BANP: variants seen among roughly 807,000 people sequenced by gnomAD.
BANP encodes the protein protein BANP.
A neutral mutation model predicts 68.1 loss-of-function variants in BANP; 11 were observed. The ratio of observed to expected loss-of-function variants is 0.16; its 90% CI spans 0.10 to 0.27. The LOEUF is 0.27. Ranked by LOEUF, BANP falls within the 10% of genes least tolerant of loss-of-function variation. The probability of loss-of-function intolerance (pLI) is 1.00; values close to 1 mark genes in which losing one functional copy is unlikely to be tolerated. For synonymous variants in BANP, 329 were observed against 303.2 expected (o/e 1.09, Z -0.88); for missense variants, 504 against 722.7 (o/e 0.70, Z 3.47).
chr16:87,955,307 C>T lies in BANP; in HGVS notation c.-69+3792C>T, dbSNP rs567579168. 3.2e-3 allele frequency among the ~76,000 whole-genome samples: 487 copies of T among 152,304 alleles called. 2 individuals carry two copies. The highest frequency in any genetic ancestry group is 6.8e-3 in the Middle Eastern group (2 of 294). On this transcript the variant is annotated intron_variant, in intron 1 of 13. Coordinates refer to ENST00000682872, the MANE Select transcript of BANP (RefSeq NM_001386991.1). Reference sequence around the variant, plus strand: ...GCATCACTTGGGTATTTGTGAGAAACGCACACTTTCAGGCCCTACCCAGGT... The same window carrying T: ...GCATCACTTGGGTATTTGTGAGAAATGCACACTTTCAGGCCCTACCCAGGT...
intron 4 of BANP, among the ~76,000 whole-genome samples, chr16:87,987,296 C>A (rs1598138994): frequency 6.6e-6 from 1 of 152,188 alleles, no homozygotes; most frequent in African/African-American, 2.4e-5. Flanking sequence ...CCAGGCTGGT[C>A]TTGAACTCTT....
At chr16:87,962,853 T>G (rs2059429220) in intron 1 of BANP, among the ~76,000 whole-genome samples, 1 of 152,224 alleles carries the variant, frequency 6.6e-6, no homozygotes, top group African/African-American at 2.4e-5. Context: ...CACTTCAGAC[T>G]GATTTCGGGC....
chr16:87,965,969 G>A (rs550838971), intron 1 of BANP, among the ~76,000 whole-genome samples: 22 of 152,276 alleles, frequency 1.4e-4, no homozygotes, highest in African/African-American at 4.8e-4. Context: ...TTTGCTATTT[G>A]TCATCCCCAA....
intron 6 of BANP, among the ~76,000 whole-genome samples, chr16:88,015,297 C>T (rs960454411): frequency 6.7e-6 from 1 of 148,258 alleles, no homozygotes; most frequent in African/African-American, 2.5e-5. Flanking sequence ...CCTGCCTGTG[C>T]CCTCTGCCCG....
chr16:88,027,075 T>A (rs147417261), intron 7 of BANP, among the ~76,000 whole-genome samples: 66 of 152,336 alleles, frequency 4.3e-4, no homozygotes, highest in Non-Finnish European at 7.5e-4. Context: ...ATCCAATTGT[T>A]GAGGTCCCTG....
chr16:87,965,602 A>C (rs950134373), intron 1 of BANP, among the ~76,000 whole-genome samples: 25 of 87,372 alleles, frequency 2.9e-4, no homozygotes, highest in African/African-American at 1.2e-3. Flanking sequence ...GAGCGTTCGC[A>C]TGGCTGGGCG....
At chr16:88,075,871 C>T (rs929189032) in intron 13 of BANP, among the ~76,000 whole-genome samples, 1 of 151,736 alleles carries the variant, frequency 6.6e-6, no homozygotes, top group African/African-American at 2.4e-5. Flanking sequence ...CTCAGCTTCC[C>T]TAGCAGCTGG....
chr16:88,038,682 C>T (rs140456332), intron 11 of BANP, among the ~76,000 whole-genome samples: 1,935 of 152,232 alleles, frequency 0.013, 35 homozygotes, highest in African/African-American at 0.041. Flanking sequence ...TACAAAATGA[C>T]GTGCTCCGAC....
At position 88,003,956 on chromosome 16, in the gene BANP, T is replaced by G; in HGVS notation, c.363-339T>G. 3.1e-6 allele frequency: 1 copy of G among 322,810 alleles called. No homozygotes were observed. Among genetic ancestry groups the G allele is most frequent in the South Asian group, 2.7e-5 (1 of 36,420 alleles). The allele number at this position is 322,810 out of a possible 1,614,324, so 20.0% of individuals were successfully genotyped here. ...CACCCTAGAAGCTTTATTAACTGGG[T>G]GCGATAACAGCTGGTGCGGTTGCAG... On this transcript the variant is annotated intron_variant, in intron 4 of 13. Coordinates refer to ENST00000682872, the MANE Select transcript of BANP (RefSeq NM_001386991.1). The surrounding 1 kb of genome is among the most constrained non-coding windows in gnomAD (Gnocchi z 6.1).
intron 4 of BANP, among the ~76,000 whole-genome samples, chr16:87,996,218 A>C (rs1160405065): frequency 6.6e-6 from 1 of 152,084 alleles, no homozygotes; most frequent in African/African-American, 2.4e-5. Flanking sequence ...TCATTTCCAC[A>C]TTTGACAGCT....
At chr16:87,959,622 A>G (rs1343696632) in intron 1 of BANP, among the ~76,000 whole-genome samples, 3 of 152,224 alleles carry the variant, frequency 2.0e-5, no homozygotes, top group Non-Finnish European at 4.4e-5. Flanking sequence ...TTCCTGCTGC[A>G]GCCCGTGTGG....
At chr16:87,987,709 A>T (rs1271743125) in intron 4 of BANP, among the ~76,000 whole-genome samples, 1 of 136,764 alleles carries the variant, frequency 7.3e-6, no homozygotes, top group Non-Finnish European at 1.5e-5. Flanking sequence ...CGAGACCCTA[A>T]CTCAAAAAAA....
In BANP at chr16:88,015,051, C is replaced by T. The variant is rs181773755; in HGVS notation, c.656-3377C>T. 2.6e-4 allele frequency among the ~76,000 whole-genome samples: 39 copies of T among 149,758 alleles called. No individual in the cohort carries two copies. In the East Asian group the frequency reaches 4.4e-3, roughly 17 times the overall value. ...CTCAGCTTGTGCCCTCTGGCCGTGCCCCCTCAGCTCATGCCCTCTGCTCGT... is the reference window on the plus strand; with the variant it reads ...CTCAGCTTGTGCCCTCTGGCCGTGCTCCCTCAGCTCATGCCCTCTGCTCGT... On this transcript the variant is annotated intron_variant, in intron 6 of 13. Coordinates refer to ENST00000682872, the MANE Select transcript of BANP (RefSeq NM_001386991.1).
rs1372641365 is a variant in BANP at position 87,990,700 on chromosome 16, T to C, written c.362+6441T>C. On this transcript the variant is annotated intron_variant, in intron 4 of 13. Transcript: ENST00000682872. Reference sequence around the variant, plus strand: ...TTTTGGTTGCTTTCGTTTAATTTCGTGTACATGTGATTTCTCTTCCTGACT... The same window carrying C: ...TTTTGGTTGCTTTCGTTTAATTTCGCGTACATGTGATTTCTCTTCCTGACT... Among the ~76,000 whole-genome samples, 6 of 152,344 alleles carry C rather than the reference T, an allele frequency of 3.9e-5. No homozygotes were observed. The South Asian group carries it at 1.2e-3, about 32-fold the overall frequency.
chr16:88,019,008 T>C (rs967823016), intron 7 of BANP, among the ~76,000 whole-genome samples: 1 of 140,852 alleles, frequency 7.1e-6, no homozygotes, highest in Non-Finnish European at 1.6e-5. Flanking sequence ...TTCCCTGCTG[T>C]CCTGGCCACG....
chr16:88,031,753 A>G (rs1197332260), intron 8 of BANP, among the ~76,000 whole-genome samples: 2 of 151,962 alleles, frequency 1.3e-5, no homozygotes, highest in Non-Finnish European at 2.9e-5. Context: ...AGCTATTGGT[A>G]AAAAATACAT....
chr16:88,044,202 G>A (rs551823735), intron 11 of BANP, among the ~76,000 whole-genome samples: 191 of 152,346 alleles, frequency 1.3e-3, no homozygotes, highest in African/African-American at 4.1e-3. Flanking sequence ...AGTGCACGCG[G>A]GCTGCATGGC....
intron 4 of BANP, among the ~76,000 whole-genome samples, chr16:87,993,236 A>T (rs959716310): frequency 1.3e-5 from 2 of 152,182 alleles, no homozygotes; most frequent in African/African-American, 4.8e-5. Context: ...TCCACAGTCA[A>T]GTGACTCTTT....
At chr16:87,968,824 C>T (rs1355437670) in intron 1 of BANP, among the ~76,000 whole-genome samples, 2 of 152,180 alleles carry the variant, frequency 1.3e-5, no homozygotes, top group Non-Finnish European at 2.9e-5. Flanking sequence ...CCTCCCCCCA[C>T]AGCTTAGATC....
Sources: gnomAD v4.1 joint callset for allele counts (sites outside exome capture counted in the v4.1 genomes callset) on GRCh38, gnomAD v4.1.1 for gene constraint, Gnocchi (gnomAD v3.1) non-coding constraint, MANE v1.5 for transcripts, NCBI Gene and HGNC (gene_info 2026-07-23, HGNC 2026-07-21) for gene names.